The following PHAF1 variants were observed in gnomAD, a reference collection of about 807,000 sequenced individuals.
PHAF1 encodes the protein phagosome assembly factor 1.
In PHAF1, 23 loss-of-function variants were observed where a neutral mutation model predicts 63.1. The ratio of observed to expected loss-of-function variants is 0.36; its 90% confidence interval spans 0.26 to 0.52. PHAF1 has a LOEUF of 0.52. Ranked by LOEUF, PHAF1 falls within the 20% of genes least tolerant of loss-of-function variation. The probability of loss-of-function intolerance (pLI) is 0.93; values close to 1 mark genes in which losing one functional copy is unlikely to be tolerated. For synonymous variants in PHAF1, 167 were observed against 185.0 expected (o/e 0.90, Z 0.79); for missense variants, 427 against 517.2 (o/e 0.83, Z 1.69).
chr16:67,117,730 A>T (rs2145824514), intron 1 of PHAF1, among the ~76,000 whole-genome samples: 1 of 151,148 alleles, frequency 6.6e-6, no homozygotes, highest in Non-Finnish European at 1.5e-5. Context: ...ATTGCACTCC[A>T]GCCTGGACAA....
In PHAF1 at chr16:67,125,982, T is replaced by A. The variant is rs775599956; in HGVS notation, c.171T>A (p.Ile57=). 1 of 1,612,630 alleles carries A rather than the reference T, an allele frequency of 6.2e-7. No individual in the cohort carries two copies. Among genetic ancestry groups the A allele is most frequent in the Middle Eastern group, 1.6e-4 (1 of 6,062 alleles). Residue 57 remains isoleucine, a synonymous_variant, in exon 3 of 16, where the codon ATT becomes ATA. Transcript: ENST00000219139. ...AGTCTCCTCTAAGCCATGACCTCATTCTTAACCTGACTCAGGACGGGATCA... is the reference window on the plus strand; with the variant it reads ...AGTCTCCTCTAAGCCATGACCTCATACTTAACCTGACTCAGGACGGGATCA... The part of the protein sequence containing the change: ...SEQSPLSHDL[I]LNLTQDGIKL...
intron 6 of PHAF1, among the ~76,000 whole-genome samples, chr16:67,133,358 A>C (rs1387190851): frequency 6.6e-6 from 1 of 152,106 alleles, no homozygotes; most frequent in Non-Finnish European, 1.5e-5. Context: ...TTCCCCTATG[A>C]AGAAAAGGAA....
At chr16:67,122,932 T>G (rs1028428638) in intron 2 of PHAF1, among the ~76,000 whole-genome samples, 8 of 152,046 alleles carry the variant, frequency 5.3e-5, no homozygotes, top group Admixed American at 6.6e-5. Context: ...TTTCACCATG[T>G]TGGCCAGGCT....
chr16:67,118,769 T>C (rs1393443984), intron 1 of PHAF1, among the ~76,000 whole-genome samples: 1 of 130,538 alleles, frequency 7.7e-6, no homozygotes, highest in Non-Finnish European at 1.6e-5. Flanking sequence ...TCTTAAACTT[T>C]TTTTTTTTTT....
At chr16:67,137,478 C>T (rs1440676156) in intron 8 of PHAF1, among the ~76,000 whole-genome samples, 1 of 152,056 alleles carries the variant, frequency 6.6e-6, no homozygotes, top group Non-Finnish European at 1.5e-5. Context: ...GCCACCACGC[C>T]AGGCTAATTT....
chr16:67,132,004 C>T (rs994650279), intron 4 of PHAF1: 3 of 155,620 alleles, frequency 1.9e-5, no homozygotes, highest in Non-Finnish European at 2.8e-5. Flanking sequence ...CAGTAAGTCT[C>T]CTTAACTGGC....
At chr16:67,116,606 T>C (rs911329381) in intron 1 of PHAF1, among the ~76,000 whole-genome samples, 3 of 152,168 alleles carry the variant, frequency 2.0e-5, no homozygotes, top group African/African-American at 4.8e-5. Context: ...TTCTAGCACT[T>C]TAGAAAGCGG....
chr16:67,129,843 C>A (rs1014870512), intron 3 of PHAF1, among the ~76,000 whole-genome samples: 2 of 152,204 alleles, frequency 1.3e-5, no homozygotes, highest in African/African-American at 4.8e-5. Context: ...CTTAGAATTT[C>A]ATCTGAGGCT....
At chr16:67,137,562 G>T (rs1036222712) in intron 8 of PHAF1, among the ~76,000 whole-genome samples, 10 of 151,980 alleles carry the variant, frequency 6.6e-5, no homozygotes, top group African/African-American at 2.4e-4. Context: ...CAAGTGATCC[G>T]CCCGCCTCAA....
chr16:67,131,114 T>A (rs1277959835), intron 3 of PHAF1, among the ~76,000 whole-genome samples, 172 bp from the exon 4 acceptor site: 2 of 151,536 alleles, frequency 1.3e-5, no homozygotes, highest in African/African-American at 4.8e-5. Flanking sequence ...AAAAAGTTTT[T>A]AAAAAAATTT....
chr16:67,145,884 TCA>T (rs1189538744), intron 14 of PHAF1, among the ~76,000 whole-genome samples: 8 of 152,130 alleles, frequency 5.3e-5, no homozygotes, highest in African/African-American at 1.9e-4. Context: ...CTTCTCACCC[TCA>T]GTTATTCAAT....
intron 1 of PHAF1, among the ~76,000 whole-genome samples, chr16:67,111,101 A>G (rs371048420): frequency 6.6e-6 from 1 of 152,178 alleles, no homozygotes; most frequent in African/African-American, 2.4e-5. Context: ...GGCGTGAGCC[A>G]CTGCACCCGG....
At chr16:67,135,890 G>A (rs1280330200) in intron 8 of PHAF1, 1 of 152,150 alleles carries the variant, frequency 6.6e-6, no homozygotes, top group East Asian at 1.9e-4. Context: ...ACCATGCCTG[G>A]CTCTCCTTTT....
chr16:67,146,199 A>G, intron 14 of PHAF1, 79 bp from the exon 15 acceptor site: 2 of 1,298,514 alleles, frequency 1.5e-6, no homozygotes. Flanking sequence ...AGTATCCCAT[A>G]CCCCAGAAAA....
intron 2 of PHAF1, among the ~76,000 whole-genome samples, chr16:67,122,711 T>C (rs2145838259): frequency 6.6e-6 from 1 of 152,278 alleles, no homozygotes; most frequent in Middle Eastern, 3.4e-3. Context: ...AGTTTCTTGA[T>C]AATAGAATAA....
chr16:67,130,107 C>A (rs1005989149), intron 3 of PHAF1, among the ~76,000 whole-genome samples: 2 of 152,106 alleles, frequency 1.3e-5, no homozygotes, highest in South Asian at 2.1e-4. Context: ...GGTGCAGTGG[C>A]GCAATCTCCG....
At chr16:67,146,212 C>T in intron 14 of PHAF1, 66 bp from the exon 15 acceptor site, 3 of 1,434,262 alleles carry the variant, frequency 2.1e-6, no homozygotes, top group Admixed American at 1.7e-5. Context: ...CCAGAAAAGA[C>T]TGGATCCCTT....
chr16:67,128,757 A>G (rs1963282061), intron 3 of PHAF1, among the ~76,000 whole-genome samples: 3 of 152,180 alleles, frequency 2.0e-5, no homozygotes, highest in South Asian at 4.1e-4. Flanking sequence ...TGATGCTCCT[A>G]GTGACATGAA....
At chr16:67,136,727 T>G (rs1173980312) in intron 8 of PHAF1, among the ~76,000 whole-genome samples, 1 of 151,904 alleles carries the variant, frequency 6.6e-6, no homozygotes. Flanking sequence ...GGACTACAGG[T>G]GCACACCACC....
Sources: gnomAD v4.1 joint callset for allele counts (sites outside exome capture counted in the v4.1 genomes callset) on GRCh38, gnomAD v4.1.1 for gene constraint, MANE v1.5 for transcripts, NCBI Gene and HGNC (gene_info 2026-07-23, HGNC 2026-07-21) for gene names.